MEMO1: variants seen among roughly 807,000 people sequenced by gnomAD.
MEMO1 encodes mediator of cell motility 1.
A neutral mutation model predicts 45.2 loss-of-function variants in MEMO1; 6 were observed. That is an observed-to-expected ratio of 0.13 (90% CI 0.07 to 0.26). The LOEUF is 0.26. Ranked by LOEUF, MEMO1 falls within the 10% of genes least tolerant of loss-of-function variation. The pLI is 1.00. For synonymous variants in MEMO1, 78 were observed against 124.3 expected, an observed-to-expected ratio of 0.63 and a Z score of 2.48; for missense variants, 184 against 370.5, an observed-to-expected ratio of 0.50 and a Z score of 4.13.
chr2:31,872,654 G>A (rs1673950835), intron 8 of MEMO1, among the ~76,000 whole-genome samples: 1 of 152,148 alleles, frequency 6.6e-6, no homozygotes, highest in Non-Finnish European at 1.5e-5. Context: ...AGATATACTG[G>A]TTAAATTACA....
At chr2:31,889,355 G>C (rs1420583852) in intron 7 of MEMO1, among the ~76,000 whole-genome samples, 1 of 151,992 alleles carries the variant, frequency 6.6e-6, no homozygotes, top group African/African-American at 2.4e-5. Flanking sequence ...AATCCCTCCT[G>C]TGAAATTTAG....
chr2:31,950,700 G>A (rs1297880923), intron 2 of MEMO1, among the ~76,000 whole-genome samples: 3 of 145,270 alleles, frequency 2.1e-5, no homozygotes, highest in Non-Finnish European at 4.5e-5. Context: ...CAGCCTGGGT[G>A]ACACAGTGAG....
intron 2 of MEMO1, among the ~76,000 whole-genome samples, chr2:31,945,526 C>T (rs1178144016): frequency 6.6e-5 from 10 of 152,196 alleles, no homozygotes; most frequent in Admixed American, 6.5e-4. Flanking sequence ...TACTCCCCGA[C>T]CCCCTTTTCT....
chr2:31,931,325 C>T (rs17011711), intron 4 of MEMO1, among the ~76,000 whole-genome samples: 18,220 of 152,128 alleles, frequency 0.12, 1,162 homozygotes, highest in Middle Eastern at 0.2. Flanking sequence ...TATCCTACAT[C>T]TCTACTAATT....
At chr2:31,872,806 G>A (rs551716476) in intron 8 of MEMO1, among the ~76,000 whole-genome samples, 2 of 152,110 alleles carry the variant, frequency 1.3e-5, no homozygotes, top group African/African-American at 4.8e-5. Context: ...GGTTTAAGAG[G>A]TATGCCTCTT....
At chr2:31,878,888 C>T (rs779215344) in intron 8 of MEMO1, among the ~76,000 whole-genome samples, 5 of 151,998 alleles carry the variant, frequency 3.3e-5, no homozygotes, top group Admixed American at 6.6e-5. Context: ...AGATTCTTTC[C>T]TAAATGAATA....
intron 6 of MEMO1, among the ~76,000 whole-genome samples, chr2:31,897,573 G>C (rs530206184): frequency 6.6e-6 from 1 of 152,328 alleles, no homozygotes; most frequent in East Asian, 1.9e-4. Context: ...AAGCCAAATT[G>C]ATCTTGATGG....
intron 2 of MEMO1, among the ~76,000 whole-genome samples, chr2:31,964,247 A>G (rs936247708): frequency 6.6e-6 from 1 of 151,986 alleles, no homozygotes; most frequent in African/African-American, 2.4e-5. Context: ...CACGTACACA[A>G]ACACACACAC....
At position 31,881,846 on chromosome 2, in the gene MEMO1, G is replaced by C. The variant is rs72859071; in HGVS notation, c.657+1540C>G. On this transcript the variant is annotated intron_variant, in intron 8 of 9. Coordinates refer to ENST00000404530, the MANE Select transcript of MEMO1 (RefSeq NM_001301833.4). ...GCAAGACCTTGTCTCTACAAAAAAA[G>C]AAAAGAAAAGAAAAAAGCTGGGTGC... Among the ~76,000 whole-genome samples the C allele has an allele frequency of 2.9e-3, 441 of 151,958 alleles. 4 individuals carry two copies. Among genetic ancestry groups the C allele is most frequent in the African/African-American group, 0.01 (417 of 41,464 alleles).
intron 7 of MEMO1, among the ~76,000 whole-genome samples, chr2:31,886,308 A>G (rs1192276244): frequency 1.3e-5 from 2 of 152,232 alleles, no homozygotes; most frequent in Non-Finnish European, 2.9e-5. Context: ...CAAATATTTA[A>G]AAATCACTTG....
intron 6 of MEMO1, among the ~76,000 whole-genome samples, chr2:31,909,989 A>G (rs887445870): frequency 1.4e-4 from 22 of 152,108 alleles, no homozygotes; most frequent in African/African-American, 5.3e-4. Context: ...AAGAAACCAG[A>G]GGACAAAAAC....
At chr2:31,992,065 T>G (rs1427275064) in intron 2 of MEMO1, among the ~76,000 whole-genome samples, 1 of 152,166 alleles carries the variant, frequency 6.6e-6, no homozygotes, top group Non-Finnish European at 1.5e-5. Context: ...TATAAGAATA[T>G]CAGCTTAACA....
At chr2:31,943,647 T>G (rs947415031) in intron 2 of MEMO1, among the ~76,000 whole-genome samples, 1 of 152,210 alleles carries the variant, frequency 6.6e-6, no homozygotes, top group African/African-American at 2.4e-5. Context: ...CAACACAATG[T>G]GATTTACAAG....
intron 2 of MEMO1, among the ~76,000 whole-genome samples, chr2:31,949,892 A>AAT (rs112446575): frequency 0.12 from 18,724 of 151,948 alleles, 1,239 homozygotes; most frequent in Middle Eastern, 0.21. Context: ...ACCTCCCATA[A>AAT]ATATATATAC....
chr2:31,929,103 T>C (rs1181662662), intron 4 of MEMO1, among the ~76,000 whole-genome samples: 1 of 152,210 alleles, frequency 6.6e-6, no homozygotes, highest in Non-Finnish European at 1.5e-5. Flanking sequence ...CAGTTCTGGA[T>C]TACAGGAATT....
chr2:31,909,244 C>CT (rs1680229123), intron 6 of MEMO1, among the ~76,000 whole-genome samples: 1 of 152,156 alleles, frequency 6.6e-6, no homozygotes, highest in Admixed American at 6.5e-5. Context: ...CAACATAGTA[C>CT]TGGAAGACCT....
At chr2:31,878,744 A>T (rs1216488885) in intron 8 of MEMO1, among the ~76,000 whole-genome samples, 3 of 152,172 alleles carry the variant, frequency 2.0e-5, no homozygotes, top group Non-Finnish European at 2.9e-5. Flanking sequence ...GAAAATTTTT[A>T]GTACTGAGGT....
intron 4 of MEMO1, among the ~76,000 whole-genome samples, chr2:31,928,524 G>A (rs1447713118): frequency 6.8e-6 from 1 of 147,244 alleles, no homozygotes; most frequent in Non-Finnish European, 1.5e-5. Flanking sequence ...TCCAGCCTGG[G>A]TGACAAAGAG....
chr2:31,989,556 G>A lies in MEMO1; in HGVS notation c.61+20631C>T, dbSNP rs143029711. Among the ~76,000 whole-genome samples, 280 of 152,234 alleles carry A rather than the reference G, an allele frequency of 1.8e-3. 2 individuals are homozygous for A. Among genetic ancestry groups the A allele is most frequent in the African/African-American group, 6.5e-3 (270 of 41,540 alleles). ...GAAAAAAGATACAACCAAAGTGGAG[G>A]ATAAACCAACTAGATTCATAGATCT... On this transcript the variant is annotated intron_variant, in intron 2 of 9. Transcript: ENST00000404530.
Sources: gnomAD v4.1 joint callset for allele counts (sites outside exome capture counted in the v4.1 genomes callset) on GRCh38, gnomAD v4.1.1 for gene constraint, MANE v1.5 for transcripts, NCBI Gene and HGNC (gene_info 2026-07-23, HGNC 2026-07-21) for gene names.